NPR3: variants seen among roughly 807,000 people sequenced by gnomAD.
The protein encoded by NPR3 is natriuretic peptide receptor 3, also known as atrial natriuretic peptide receptor 3.
A neutral mutation model predicts 54.5 loss-of-function variants in NPR3; 34 were observed. The observed-to-expected ratio is 0.62, with a 90% CI of 0.47 to 0.83. NPR3 has a LOEUF of 0.83. Among genes scored for constraint, NPR3 ranks in the 40% least tolerant of loss-of-function variants. The pLI, the probability that NPR3 is intolerant of heterozygous loss-of-function variation, is 0.00. For missense variants in NPR3, 674 were observed against 720.8 expected (o/e 0.94, Z 0.74); for synonymous variants, 289 against 297.1 (o/e 0.97, Z 0.28).
rs752039844 is a variant in NPR3, at chr5:32,711,806, C to G, written c.30C>G (p.Ser10=). MPSLLVLTF[S]PCVLLGWALL... is the part of the protein sequence containing the mutation. ...CGTCTCTGCTGGTGCTCACTTTCTC[C>G]CCGTGCGTACTACTCGGCTGGGCGT... Residue 10 remains serine (S), a synonymous_variant, in exon 1 of 8, where the codon TCC becomes TCG. Transcript: ENST00000265074. 8 of 1,443,174 alleles carry G rather than the reference C, an allele frequency of 5.5e-6. No homozygotes were observed. The highest frequency in any genetic ancestry group is 7.3e-6 in the Non-Finnish European group (8 of 1,097,646). 89.4% of individuals were successfully genotyped at this position (1,443,174 alleles called of 1,614,324 possible). A position where few individuals can be genotyped will look rare whatever the true frequency, so the allele number is the denominator to read the frequency against.
At chr5:32,763,476 A>T (rs1741282425) in intron 3 of NPR3, among the ~76,000 whole-genome samples, 1 of 133,822 alleles carries the variant, frequency 7.5e-6, no homozygotes, top group Admixed American at 7.6e-5. Context: ...CGCTCAGCTA[A>T]TTTTTTTTTT....
chr5:32,725,975 G>A (rs1023829665), intron 2 of NPR3, among the ~76,000 whole-genome samples: 3 of 152,140 alleles, frequency 2.0e-5, no homozygotes, highest in African/African-American at 7.2e-5. Flanking sequence ...GTCATGGAGG[G>A]TGTTTAAGGA....
intron 3 of NPR3, among the ~76,000 whole-genome samples, chr5:32,757,310 G>C (rs1450242279): frequency 6.6e-6 from 1 of 152,092 alleles, no homozygotes; most frequent in Non-Finnish European, 1.5e-5. Flanking sequence ...TCCTTGAAGA[G>C]GTCCTTCACA....
chr5:32,786,440 G>T lies in NPR3; in HGVS notation c.*95G>T, dbSNP rs999179125. The T allele has an allele frequency of 1.5e-6, 1 of 654,196 alleles. No individual in the cohort carries two copies. The highest frequency in any genetic ancestry group is 1.9e-5 in the African/African-American group (1 of 52,796). The allele number at this position is 654,196 out of a possible 1,614,324, so 40.5% of individuals were successfully genotyped here. A position where few individuals can be genotyped will look rare whatever the true frequency, so the allele number is the denominator to read the frequency against. The stretch of plus-strand genomic sequence containing the variant: ...ATGAAACAGAAGGGGCGTTCTTGAA[G>T]AATTCATAATTTTAAGCAGTTAGTA... On this transcript the variant is annotated 3_prime_UTR_variant, in exon 8 of 8. Transcript: ENST00000265074.
At chr5:32,767,519 C>T (rs1179768210) in intron 3 of NPR3, among the ~76,000 whole-genome samples, 1 of 152,220 alleles carries the variant, frequency 6.6e-6, no homozygotes, top group East Asian at 1.9e-4. Flanking sequence ...TTTAATTTAG[C>T]ATTTTGTAAA....
At chr5:32,721,012 A>G (rs1459080975) in intron 1 of NPR3, among the ~76,000 whole-genome samples, 1 of 152,266 alleles carries the variant, frequency 6.6e-6, no homozygotes, top group Admixed American at 6.5e-5. Flanking sequence ...TTTTGATTGT[A>G]TAAAGGCAAG....
chr5:32,712,275 A>AAGG lies in NPR3; in HGVS notation c.501_503dup (p.Lys167_Asp168insGlu). 1 of 1,612,998 alleles carries AAGG rather than the reference A, an allele frequency of 6.2e-7. No individual in the cohort carries two copies. Among genetic ancestry groups the AAGG allele is most frequent in the Non-Finnish European group, 8.5e-7 (1 of 1,179,742 alleles). On this transcript the variant is annotated inframe_insertion, in exon 1 of 8. Transcript: ENST00000265074. ...GGCGCTGGCCGCTGGCTTCCAGCAC[A>AAGG]AGGACTCTGAGTACTCGCACCTCAC...
At chr5:32,767,028 C>T (rs1741507510) in intron 3 of NPR3, among the ~76,000 whole-genome samples, 1 of 152,204 alleles carries the variant, frequency 6.6e-6, no homozygotes, top group South Asian at 2.1e-4. Context: ...TCTGTTCCTC[C>T]CTCACCCTGA....
At chr5:32,775,453 C>T (rs142840499) in intron 4 of NPR3, among the ~76,000 whole-genome samples, 1 of 152,088 alleles carries the variant, frequency 6.6e-6, no homozygotes, top group Non-Finnish European at 1.5e-5. Context: ...TGCCACCACA[C>T]CTGGCTAATT....
chr5:32,711,242 C>A, upstream of NPR3: 1 of 455,660 alleles, frequency 2.2e-6, no homozygotes, highest in Non-Finnish European at 2.8e-6. Flanking sequence ...AAACACAAGC[C>A]CGGCCTCGGC....
chr5:32,760,260 ATG>A (rs1369219856), intron 3 of NPR3, among the ~76,000 whole-genome samples: 6 of 152,256 alleles, frequency 3.9e-5, no homozygotes, highest in African/African-American at 1.4e-4. Context: ...CATAGCATAG[ATG>A]CAAGTTTAAC....
At chr5:32,739,851 G>A (rs889650738) in intron 3 of NPR3, among the ~76,000 whole-genome samples, 3 of 152,152 alleles carry the variant, frequency 2.0e-5, no homozygotes, top group African/African-American at 4.8e-5. Flanking sequence ...TCACTCTACA[G>A]CATCCCAAAT....
At chr5:32,702,439 G>T (rs1170418234) in intron 1 of NPR3, among the ~76,000 whole-genome samples, 2 of 122,734 alleles carry the variant, frequency 1.6e-5, no homozygotes, top group Non-Finnish European at 1.6e-5. Flanking sequence ...TCCCCAGAGT[G>T]TGATGTTCCC....
Position 32,791,636 on chromosome 5 carries a change from C to T in NPR3, c.*5291C>T, listed in dbSNP as rs1398556857. 4 of 166,778 alleles carry T rather than the reference C, an allele frequency of 2.4e-5. No individual in the cohort carries two copies. The highest frequency in any genetic ancestry group is 9.7e-5 in the African/African-American group (4 of 41,366). 10.3% of individuals were successfully genotyped at this position (166,778 alleles called of 1,614,324 possible). A position where few individuals can be genotyped will look rare whatever the true frequency, so the allele number is the denominator to read the frequency against. On this transcript the variant is annotated 3_prime_UTR_variant, in exon 8 of 8. Coordinates refer to ENST00000265074, the MANE Select transcript of NPR3 (RefSeq NM_001204375.2). ...TGTTTGGATATAAATGTGTATGTGT[C>T]CTTGTAAATGTTTCTATCAAGCAAG...
Position 32,712,524 on chromosome 5 carries a change from A to C in NPR3, c.748A>C (p.Asn250His). 1 of 1,535,750 alleles carries C rather than the reference A, an allele frequency of 6.5e-7. No homozygotes were observed. The highest frequency in any genetic ancestry group is 8.7e-7 in the Non-Finnish European group (1 of 1,143,676). Reference sequence around the variant, plus strand: ...CTTGGATCTGGAAGACATCGTGCGCAATATCCAGGCCAGTGAGAGAGGTGA... The same window carrying C: ...CTTGGATCTGGAAGACATCGTGCGCCATATCCAGGCCAGTGAGAGAGGTGA... ...KDLDLEDIVRNIQASERVVIM... is the reference protein window; with the variant it reads ...KDLDLEDIVRHIQASERVVIM... Residue 250 changes from asparagine (N) to histidine (H), a missense_variant, in exon 1 of 8, where the codon AAT becomes CAT. Physicochemically the swap from Asn to His is moderately conservative, Grantham distance 68 (BLOSUM62 1). Transcript: ENST00000265074.
rs1033513845 is a variant in NPR3 at position 32,723,599 on chromosome 5, T to G, written c.770-1099T>G. Among the ~76,000 whole-genome samples, 6 of 152,358 alleles carry G rather than the reference T, an allele frequency of 3.9e-5. No homozygotes were observed. In the East Asian group the frequency reaches 9.6e-4, roughly 24 times the overall value. ...GTTTGCTTTTTCAGGACAATGCATTTACCATGCTATTAAGTATAAAAAGCA... is the reference window on the plus strand; with the variant it reads ...GTTTGCTTTTTCAGGACAATGCATTGACCATGCTATTAAGTATAAAAAGCA... On this transcript the variant is annotated intron_variant, in intron 1 of 7. Coordinates refer to ENST00000265074, the MANE Select transcript of NPR3 (RefSeq NM_001204375.2).
rs2112090915 is a variant in NPR3 at position 32,789,843 on chromosome 5, T to C, written c.*3498T>C. On this transcript the variant is annotated 3_prime_UTR_variant, in exon 8 of 8. Coordinates refer to ENST00000265074, the MANE Select transcript of NPR3 (RefSeq NM_001204375.2). Reference sequence around the variant, plus strand: ...TACCTTCTTGTAAGCCAGTATACACTGGCTATTTGTGGAAATCTCTTTGGG... The same window carrying C: ...TACCTTCTTGTAAGCCAGTATACACCGGCTATTTGTGGAAATCTCTTTGGG... 1 of 450,858 alleles carries C rather than the reference T, an allele frequency of 2.2e-6. No individual in the cohort carries two copies. The highest frequency in any genetic ancestry group is 5.6e-5 in the East Asian group (1 of 17,700). The allele number at this position is 450,858 out of a possible 1,614,324, so 27.9% of individuals were successfully genotyped here. A position where few individuals can be genotyped will look rare whatever the true frequency, so the allele number is the denominator to read the frequency against.
chr5:32,737,939 A>T (rs201450127), intron 2 of NPR3, among the ~76,000 whole-genome samples: 17 of 151,280 alleles, frequency 1.1e-4, no homozygotes, highest in African/African-American at 2.2e-4. Context: ...TTATTATTAT[A>T]ATATATGTGC....
chr5:32,720,613 T>C (rs886963544), intron 1 of NPR3, among the ~76,000 whole-genome samples: 4 of 152,186 alleles, frequency 2.6e-5, no homozygotes, highest in African/African-American at 7.2e-5. Flanking sequence ...TGAAGAAAAG[T>C]CTATACATAA....
Sources: allele counts gnomAD v4.1 joint callset (sites outside exome capture counted in the v4.1 genomes callset), GRCh38; gene constraint gnomAD v4.1.1; transcripts MANE v1.5; gene names NCBI Gene and HGNC (gene_info 2026-07-23, HGNC 2026-07-21).